The following CUX2 variants were observed in gnomAD, a reference collection of about 807,000 sequenced individuals.
The protein encoded by CUX2 is cut like homeobox 2, also known as homeobox protein cut-like 2.
CUX2 carries 40 observed loss-of-function variants against 144.8 expected under a neutral mutation model. The ratio of observed to expected loss-of-function variants is 0.28; its 90% CI spans 0.21 to 0.36. The LOEUF (loss-of-function observed/expected upper bound fraction) is 0.36. CUX2 is among the 10% of genes least tolerant of loss of function. The pLI is 1.00. For synonymous variants in CUX2, 827 were observed against 875.6 expected (o/e 0.94, Z 0.98); for missense variants, 1,615 against 1,994.0 (o/e 0.81, Z 3.62).
chr12:111,053,048 A>G (rs1257554673), intron 1 of CUX2, among the ~76,000 whole-genome samples: 1 of 152,104 alleles, frequency 6.6e-6, no homozygotes, highest in Non-Finnish European at 1.5e-5. Flanking sequence ...ATTGCCGAAC[A>G]GACTGGCTCT....
At chr12:111,140,599 G>A (rs1002869006) in intron 1 of CUX2, among the ~76,000 whole-genome samples, 5 of 152,072 alleles carry the variant, frequency 3.3e-5, no homozygotes, top group African/African-American at 4.8e-5. Context: ...CCATTTACAC[G>A]CGAAACTGGA....
intron 1 of CUX2, among the ~76,000 whole-genome samples, chr12:111,043,459 C>G (rs1869844471): frequency 6.6e-6 from 1 of 152,098 alleles, no homozygotes; most frequent in Non-Finnish European, 1.5e-5. Context: ...GTTACTGGGC[C>G]TGTCTCATTC....
intron 1 of CUX2, among the ~76,000 whole-genome samples, chr12:111,107,585 C>T (rs1021111807): frequency 1.3e-5 from 2 of 152,230 alleles, no homozygotes; most frequent in Non-Finnish European, 2.9e-5. Flanking sequence ...AGTATTGGGA[C>T]ATGTGCCCTG....
chr12:111,294,212 A>G (rs947058186), intron 6 of CUX2, among the ~76,000 whole-genome samples: 2 of 152,170 alleles, frequency 1.3e-5, no homozygotes, highest in Non-Finnish European at 2.9e-5. Flanking sequence ...GGTTTAAGCA[A>G]TTCTCCTGCC....
At chr12:111,275,795 C>G (rs1174964585) in intron 4 of CUX2, among the ~76,000 whole-genome samples, 1 of 152,194 alleles carries the variant, frequency 6.6e-6, no homozygotes, top group African/African-American at 2.4e-5. Flanking sequence ...AAAGCCTCAG[C>G]CAGGTACTGG....
intron 4 of CUX2, among the ~76,000 whole-genome samples, chr12:111,279,454 A>G (rs758233586): frequency 6.6e-5 from 10 of 152,350 alleles, no homozygotes; most frequent in Admixed American, 2.0e-4. Flanking sequence ...TGGAAAAAGC[A>G]TCTTTGCAGG....
chr12:111,068,656 C>T lies in CUX2; in HGVS notation c.63+34416C>T, dbSNP rs1871119922. 1.3e-5 allele frequency among the ~76,000 whole-genome samples: 2 copies of T among 152,238 alleles called. No homozygotes were observed. The highest frequency in any genetic ancestry group is 2.4e-5 in the African/African-American group (1 of 41,466). On this transcript the variant is annotated intron_variant, in intron 1 of 21. Coordinates refer to ENST00000261726, the MANE Select transcript of CUX2 (RefSeq NM_015267.4). The surrounding 1 kb of genome is among the most constrained non-coding windows in gnomAD (Gnocchi z 4.9). ...CTGCAGCAGTGCCTTTGTAGCTCAC[C>T]TGCTCTGCCTTGCGTGGTTCAACTC...
Position 111,308,363 on chromosome 12 carries a change from G to A in CUX2, c.1158+30G>A, listed in dbSNP as rs748662313. On this transcript the variant is annotated intron_variant, in intron 13 of 21. Coordinates refer to ENST00000261726, the MANE Select transcript of CUX2 (RefSeq NM_015267.4). ...GTGTCCCTGCCACCATCCCTGCAGG[G>A]CAGGCTGCCCCAGTGAGCCTTCCGC... is the stretch of plus-strand genomic sequence containing the variant. 9.9e-6 allele frequency: 16 copies of A among 1,614,086 alleles called. No individual in the cohort carries two copies. The East Asian group carries it at 3.1e-4, about 31-fold the overall frequency.
intron 18 of CUX2, among the ~76,000 whole-genome samples, chr12:111,329,305 C>A (rs1271783668): frequency 6.6e-6 from 1 of 151,648 alleles, no homozygotes; most frequent in Non-Finnish European, 1.5e-5. Context: ...GGCAAGAAGA[C>A]CCTGCCTCTC....
At position 111,295,769 on chromosome 12, in the gene CUX2, A is replaced by AATTAATTAATTAATTTATTT. The variant is rs1256443776; in HGVS notation, c.637+371_637+372insAATTTATTTATTAATTAATT. Among the ~76,000 whole-genome samples the AATTAATTAATTAATTTATTT allele has an allele frequency of 4.6e-5, 7 of 151,534 alleles. No individual in the cohort carries two copies. In the East Asian group the frequency reaches 7.8e-4, roughly 17 times the overall value. The stretch of plus-strand genomic sequence containing the variant: ...CCTGTCTCTAATTAATTAATTAATT[A>AATTAATTAATTAATTTATTT]ATTAATTAATTTAATACAACCCCTG... On this transcript the variant is annotated intron_variant, in intron 7 of 21. Coordinates refer to ENST00000261726, the MANE Select transcript of CUX2 (RefSeq NM_015267.4). The surrounding 1 kb of genome is among the most constrained non-coding windows in gnomAD (Gnocchi z 5.0).
In CUX2 at chr12:111,334,488, A is replaced by G. The variant is rs371029227; in HGVS notation, c.2974A>G (p.Thr992Ala). 4 of 1,530,278 alleles carry G rather than the reference A, an allele frequency of 2.6e-6. No individual in the cohort carries two copies. The allele number at this position is 1,530,278 out of a possible 1,614,324, so 94.8% of individuals were successfully genotyped here. A position where few individuals can be genotyped will look rare whatever the true frequency, so the allele number is the denominator to read the frequency against. Residue 992 changes from threonine to alanine, a missense_variant, in exon 19 of 22, where the codon ACA (threonine) becomes GCA (alanine). Around this residue, in one of 12 missense-constraint regions of CUX2, gnomAD observed 128 missense variants for 124.4 expected, o/e 1.03. Coordinates refer to ENST00000261726, the MANE Select transcript of CUX2 (RefSeq NM_015267.4). Reference protein sequence around the residue: ...RSSPSPPPSPTEPEKSSQEPL... With the variant: ...RSSPSPPPSPAEPEKSSQEPL... ...CTCACCATCCCCACCCCCCAGCCCC[A>G]CAGAGCCTGAGAAGAGCTCCCAGGA...
chr12:111,324,782 G>A (rs1337020150), intron 18 of CUX2, among the ~76,000 whole-genome samples: 3 of 152,112 alleles, frequency 2.0e-5, no homozygotes, highest in African/African-American at 7.2e-5. Flanking sequence ...TTACAGGCGT[G>A]AGCCACAGCA....
intron 1 of CUX2, among the ~76,000 whole-genome samples, chr12:111,139,706 A>T (rs1334207022): frequency 6.6e-6 from 1 of 152,210 alleles, no homozygotes; most frequent in African/African-American, 2.4e-5. Context: ...AGTTGTATGC[A>T]CTGCATACAG....
chr12:111,322,292 T>C lies in CUX2; in HGVS notation c.2767-129T>C. On this transcript the variant is annotated intron_variant, in intron 17 of 21. Coordinates refer to ENST00000261726, the MANE Select transcript of CUX2 (RefSeq NM_015267.4). The surrounding 1 kb of genome is among the most constrained non-coding windows in gnomAD (Gnocchi z 4.2). ...GAGATGGTGCCACTGCACTCCATCCTGGGCGACAGACAAAGCGAGACTCTG... is the reference window on the plus strand; with the variant it reads ...GAGATGGTGCCACTGCACTCCATCCCGGGCGACAGACAAAGCGAGACTCTG... The C allele has an allele frequency of 9.6e-7, 1 of 1,043,644 alleles. No individual in the cohort carries two copies. The highest frequency in any genetic ancestry group is 1.3e-6 in the Non-Finnish European group (1 of 761,028). The allele number at this position is 1,043,644 out of a possible 1,614,324, so 64.6% of individuals were successfully genotyped here.
At chr12:111,036,165 C>A (rs997784864) in intron 1 of CUX2, among the ~76,000 whole-genome samples, 1 of 152,224 alleles carries the variant, frequency 6.6e-6, no homozygotes, top group African/African-American at 2.4e-5. Flanking sequence ...GGCGAAAGCC[C>A]TTTGCAGGGT....
At chr12:111,240,824 T>C (rs953778799) in intron 3 of CUX2, among the ~76,000 whole-genome samples, 2 of 152,196 alleles carry the variant, frequency 1.3e-5, no homozygotes, top group East Asian at 3.8e-4. Flanking sequence ...TCTGGAGGAA[T>C]GGTGGAGTGA....
intron 1 of CUX2, among the ~76,000 whole-genome samples, chr12:111,085,055 G>T (rs1366455718): frequency 6.6e-6 from 1 of 152,132 alleles, no homozygotes; most frequent in African/African-American, 2.4e-5. Context: ...TGCCTCCGTG[G>T]AGCTGACCTT....
chr12:111,131,677 TACAGGGCCC>T (rs961982386), intron 1 of CUX2, among the ~76,000 whole-genome samples: 2 of 152,306 alleles, frequency 1.3e-5, no homozygotes, highest in Admixed American at 6.5e-5. Context: ...ACAAAGGGGT[TACAGGGCCC>T]ATGCAAGTCC....
At chr12:111,159,683 A>T (rs1413933865) in intron 1 of CUX2, among the ~76,000 whole-genome samples, 1 of 152,208 alleles carries the variant, frequency 6.6e-6, no homozygotes, top group African/African-American at 2.4e-5. Flanking sequence ...TTGTTTTCTC[A>T]GGACATTTTG....
Sources: allele counts gnomAD v4.1 joint callset (sites outside exome capture counted in the v4.1 genomes callset), GRCh38; gene constraint gnomAD v4.1.1; regional missense constraint gnomAD v4.1.1; non-coding constraint Gnocchi (gnomAD v3.1); transcripts MANE v1.5; gene names NCBI Gene and HGNC (gene_info 2026-07-23, HGNC 2026-07-21).